The following BCAS3 variants were observed in gnomAD, a reference collection of about 807,000 sequenced individuals.
The protein encoded by BCAS3 is BCAS4/BCAS3 fusion.
Under a neutral mutation model 116.1 loss-of-function variants are expected in BCAS3, and 53 were observed. The observed-to-expected ratio is 0.46, with a 90% CI of 0.37 to 0.57. The LOEUF is 0.57. BCAS3 is among the 20% of genes least tolerant of loss of function. The pLI is 0.00. For synonymous variants in BCAS3, 391 were observed against 408.2 expected, an observed-to-expected ratio of 0.96 and a Z score of 0.51; for missense variants, 917 against 1,165.4, an observed-to-expected ratio of 0.79 and a Z score of 3.10.
chr17:60,710,731 A>C (rs563008961), intron 5 of BCAS3, among the ~76,000 whole-genome samples: 12 of 149,160 alleles, frequency 8.0e-5, no homozygotes, highest in Non-Finnish European at 1.6e-4. Flanking sequence ...ATGCCTGGCC[A>C]ACATTTTTTA....
Position 61,097,293 on chromosome 17 carries a change from C to G in BCAS3, c.2425+12729C>G, listed in dbSNP as rs551029366. On this transcript the variant is annotated intron_variant, in intron 22 of 23. Coordinates refer to ENST00000407086, the MANE Select transcript of BCAS3 (RefSeq NM_017679.5). The surrounding 1 kb of genome is among the most constrained non-coding windows in gnomAD (Gnocchi z 4.0). ...TCCCGGGTTCATGCCATTCTCTTGCCTCAGCCTCCCGAGTAGCTGGGACTA... is the reference window on the plus strand; with the variant it reads ...TCCCGGGTTCATGCCATTCTCTTGCGTCAGCCTCCCGAGTAGCTGGGACTA... 6.6e-6 allele frequency among the ~76,000 whole-genome samples: 1 copy of G among 152,294 alleles called. No homozygotes were observed. The highest frequency in any genetic ancestry group is 6.5e-5 in the Admixed American group (1 of 15,304).
In BCAS3 at chr17:61,205,170, G is replaced by T. The variant is rs1306582309; in HGVS notation, c.2425+120606G>T. ...TATGAAAAAAAGGTTGAAACTGAAA[G>T]AAAAAAAAAGGCATTATTTATTTTC... On this transcript the variant is annotated intron_variant, in intron 22 of 23. Transcript: ENST00000407086. This position sits in a 1 kb window ranked among gnomAD's most constrained non-coding sequence, Gnocchi z 5.2. Among the ~76,000 whole-genome samples, 1 of 150,566 alleles carries T rather than the reference G, an allele frequency of 6.6e-6. No homozygotes were observed. Among genetic ancestry groups the T allele is most frequent in the African/African-American group, 2.4e-5 (1 of 40,904 alleles).
chr17:61,328,794 C>T (rs1383669766), intron 22 of BCAS3, among the ~76,000 whole-genome samples: 1 of 151,952 alleles, frequency 6.6e-6, no homozygotes, highest in Non-Finnish European at 1.5e-5. Context: ...AACAAAATGC[C>T]AGCACATCTG....
chr17:61,102,975 A>G (rs1418499007), intron 22 of BCAS3, among the ~76,000 whole-genome samples: 1 of 152,154 alleles, frequency 6.6e-6, no homozygotes, highest in Admixed American at 6.5e-5. Flanking sequence ...TCCCCATTTT[A>G]CAGTTGAGAA....
chr17:61,002,721 C>T (rs2064333761), intron 15 of BCAS3: 1 of 151,988 alleles, frequency 6.6e-6, no homozygotes, highest in Non-Finnish European at 1.5e-5. Context: ...TTAGTTATAT[C>T]ATTTGAGTAT....
intron 9 of BCAS3, among the ~76,000 whole-genome samples, chr17:60,877,036 G>T (rs2055674381): frequency 6.6e-6 from 1 of 152,048 alleles, no homozygotes. Flanking sequence ...AAATGTTTGT[G>T]ATAACAGTAT....
intron 5 of BCAS3, among the ~76,000 whole-genome samples, chr17:60,729,612 A>G (rs541545758): frequency 1.3e-5 from 2 of 152,328 alleles, no homozygotes; most frequent in Non-Finnish European, 2.9e-5. Flanking sequence ...TATTTAATAT[A>G]AACAGTTTCT....
chr17:61,328,203 G>T (rs1355835572), intron 22 of BCAS3, among the ~76,000 whole-genome samples: 1 of 151,692 alleles, frequency 6.6e-6, no homozygotes, highest in Non-Finnish European at 1.5e-5. Flanking sequence ...AAAAAAGCAG[G>T]TGAAAAACAA....
In BCAS3 at chr17:61,056,263, T is replaced by C. The variant is rs981395123; in HGVS notation, c.2029+15371T>C. Among the ~76,000 whole-genome samples the C allele has an allele frequency of 2.0e-5, 3 of 152,206 alleles. No individual in the cohort carries two copies. Among genetic ancestry groups the C allele is most frequent in the Non-Finnish European group, 2.9e-5 (2 of 68,036 alleles). The stretch of plus-strand genomic sequence containing the variant: ...CTGTCATGTCCAGAGCTTTACATGG[T>C]GTCAACTGAAGGACAGCCTTCCGCG... On this transcript the variant is annotated intron_variant, in intron 19 of 23. Transcript: ENST00000407086. The surrounding 1 kb of genome is among the most constrained non-coding windows in gnomAD (Gnocchi z 4.9).
chr17:61,075,102 G>A, intron 20 of BCAS3, 82 bp downstream of exon 20: 1 of 1,059,528 alleles, frequency 9.4e-7, no homozygotes. Flanking sequence ...AGAGGTAAAA[G>A]GGGAGAATTG....
In BCAS3 at chr17:61,012,747, GGTT is replaced by G. The variant is rs1403430929; in HGVS notation, c.1487-3001_1487-2999del. ...TGAAGTTCTTTGTATGCTATTCTGA[GGTT>G]GTCCTTTATCCTGGTGAGACAGTGA... On this transcript the variant is annotated intron_variant, in intron 15 of 23. Coordinates refer to ENST00000407086, the MANE Select transcript of BCAS3 (RefSeq NM_017679.5). This position sits in a 1 kb window ranked among gnomAD's most constrained non-coding sequence, Gnocchi z 4.5. Among the ~76,000 whole-genome samples the G allele has an allele frequency of 2.0e-5, 3 of 152,098 alleles. No homozygotes were observed. The highest frequency in any genetic ancestry group is 2.0e-4 in the Admixed American group (3 of 15,256).
rs545226410 is a variant in BCAS3 at position 61,130,353 on chromosome 17, T to C, written c.2425+45789T>C. On this transcript the variant is annotated intron_variant, in intron 22 of 23. Transcript: ENST00000407086. This position sits in a 1 kb window ranked among gnomAD's most constrained non-coding sequence, Gnocchi z 5.0. ...GAAATTCATCTGTACAATTTTCTTA[T>C]TAATTCTCGTATCCAAAAGAACCAC... Among the ~76,000 whole-genome samples the C allele has an allele frequency of 2.6e-5, 4 of 152,316 alleles. No homozygotes were observed. The East Asian group carries it at 7.7e-4, about 29-fold the overall frequency.
intron 22 of BCAS3, among the ~76,000 whole-genome samples, chr17:61,234,001 A>G (rs370032150): frequency 2.2e-3 from 328 of 150,830 alleles, no homozygotes; most frequent in African/African-American, 7.5e-3. Flanking sequence ...TTCACTTAGT[A>G]CCCACATCAT....
intron 5 of BCAS3, among the ~76,000 whole-genome samples, chr17:60,729,147 A>G (rs746843018): frequency 4.6e-5 from 7 of 152,160 alleles, no homozygotes; most frequent in Non-Finnish European, 8.8e-5. Flanking sequence ...TGTTGTTGCT[A>G]TATCATGGTA....
chr17:60,755,564 T>A (rs2042916325), intron 6 of BCAS3, among the ~76,000 whole-genome samples: 1 of 152,242 alleles, frequency 6.6e-6, no homozygotes, highest in South Asian at 2.1e-4. Flanking sequence ...CATTTAAGCC[T>A]CTTTATACAC....
At position 61,363,553 on chromosome 17, in the gene BCAS3, C is replaced by CTTT. The variant is rs1156471461; in HGVS notation, c.2426-4759_2426-4757dup. 7.1e-6 allele frequency among the ~76,000 whole-genome samples: 1 copy of CTTT among 139,928 alleles called. No homozygotes were observed. 91.8% of individuals were successfully genotyped at this position (139,928 alleles called of 152,430 possible). A position where few individuals can be genotyped will look rare whatever the true frequency, so the allele number is the denominator to read the frequency against. On this transcript the variant is annotated intron_variant, in intron 22 of 23. Coordinates refer to ENST00000407086, the MANE Select transcript of BCAS3 (RefSeq NM_017679.5). The surrounding 1 kb of genome is among the most constrained non-coding windows in gnomAD (Gnocchi z 4.9). ...GTTTGGTGAAGTCACATAAGCTCCT[C>CTTT]TTTTTTTTTTTTTTTTTAACTCACT...
At chr17:61,058,454 C>T (rs9303437) in intron 19 of BCAS3, among the ~76,000 whole-genome samples, 27,057 of 152,060 alleles carry the variant, frequency 0.18, 2,559 homozygotes, top group African/African-American at 0.22. Context: ...TTGAGGATAG[C>T]GTTTTTTTCT....
At chr17:60,925,941 G>A (rs1053525839) in intron 13 of BCAS3, among the ~76,000 whole-genome samples, 1 of 151,802 alleles carries the variant, frequency 6.6e-6, no homozygotes, top group African/African-American at 2.4e-5. Flanking sequence ...TTTGTTTCAT[G>A]TATACCCTAT....
At chr17:61,075,186 G>T (rs968624330) in intron 20 of BCAS3, among the ~76,000 whole-genome samples, 166 bp downstream of exon 20, 5 of 152,010 alleles carry the variant, frequency 3.3e-5, no homozygotes, top group Non-Finnish European at 7.4e-5. Flanking sequence ...ATTGCTGCAG[G>T]TGTACATATA....
Sources: gnomAD v4.1 joint callset for allele counts (sites outside exome capture counted in the v4.1 genomes callset) on GRCh38, gnomAD v4.1.1 for gene constraint, Gnocchi (gnomAD v3.1) non-coding constraint, MANE v1.5 for transcripts, NCBI Gene and HGNC (gene_info 2026-07-23, HGNC 2026-07-21) for gene names.